The following CSMD1 variants were observed in gnomAD, a reference collection of about 807,000 sequenced individuals.
CSMD1 encodes the protein CUB and Sushi multiple domains 1.
In CSMD1, 213 loss-of-function variants were observed where a neutral mutation model predicts 417.5. The ratio of observed to expected loss-of-function variants is 0.51; its 90% CI spans 0.46 to 0.57. CSMD1 has a LOEUF of 0.57. Ranked by LOEUF, CSMD1 falls within the 20% of genes least tolerant of loss-of-function variation. The pLI is 0.00. For missense variants in CSMD1, 6,923 were observed against 4,529.7 expected (o/e 1.53, Z -15.17); for synonymous variants, 2,862 against 1,736.8 (o/e 1.65, Z -16.11).
intron 5 of CSMD1, among the ~76,000 whole-genome samples, chr8:3,779,369 G>C (rs1211500445): frequency 1.3e-5 from 2 of 152,120 alleles, no homozygotes; most frequent in African/African-American, 4.8e-5. Context: ...AATGACCCAA[G>C]ATGAAGAAGG....
At chr8:3,909,302 T>C (rs186915666) in intron 5 of CSMD1, among the ~76,000 whole-genome samples, 3 of 152,072 alleles carry the variant, frequency 2.0e-5, no homozygotes, top group Non-Finnish European at 4.4e-5. Flanking sequence ...GTCTGTAACT[T>C]TTACTTCTCC....
intron 3 of CSMD1, among the ~76,000 whole-genome samples, chr8:4,048,561 T>C (rs1367370232): frequency 2.0e-5 from 3 of 152,188 alleles, no homozygotes; most frequent in Admixed American, 2.0e-4. Flanking sequence ...AGAGCCAGGA[T>C]TTGACCTGAG....
intron 1 of CSMD1, among the ~76,000 whole-genome samples, chr8:4,810,460 T>A (rs1585137102): frequency 6.6e-6 from 1 of 152,204 alleles, no homozygotes; most frequent in East Asian, 1.9e-4. Context: ...CTTTGCCACC[T>A]AGTACCACCC....
intron 2 of CSMD1, among the ~76,000 whole-genome samples, chr8:4,590,265 G>C (rs1229408007): frequency 6.6e-6 from 1 of 152,018 alleles, no homozygotes; most frequent in African/African-American, 2.4e-5. Flanking sequence ...TGGAGAGATG[G>C]TGACCATGGG....
At chr8:4,132,443 G>A (rs1451879382) in intron 3 of CSMD1, among the ~76,000 whole-genome samples, 1 of 152,032 alleles carries the variant, frequency 6.6e-6, no homozygotes, top group Non-Finnish European at 1.5e-5. Flanking sequence ...TTATTTAAAG[G>A]AACAAAATTC....
At chr8:3,362,443 C>G (rs1459646649) in intron 20 of CSMD1, among the ~76,000 whole-genome samples, 1 of 152,166 alleles carries the variant, frequency 6.6e-6, no homozygotes, top group Non-Finnish European at 1.5e-5. Flanking sequence ...GTTGAATGCT[C>G]TCTTTTTTCT....
At chr8:3,958,415 G>T (rs2627500) in intron 5 of CSMD1, among the ~76,000 whole-genome samples, 1 of 151,300 alleles carries the variant, frequency 6.6e-6, no homozygotes, top group Non-Finnish European at 1.5e-5. Context: ...AAAATGGTGA[G>T]TTCATGGAAG....
intron 1 of CSMD1, among the ~76,000 whole-genome samples, chr8:4,895,342 G>C (rs149062248): frequency 2.0e-5 from 3 of 152,162 alleles, no homozygotes; most frequent in East Asian, 1.9e-4. Flanking sequence ...TCAGTTTCTG[G>C]AGTAATGTAA....
chr8:3,741,240 A>C (rs1049760951), intron 6 of CSMD1, among the ~76,000 whole-genome samples: 2 of 147,548 alleles, frequency 1.4e-5, no homozygotes, highest in Admixed American at 6.8e-5. Flanking sequence ...AAAAAAAAAA[A>C]ACATACAGAA....
chr8:4,396,326 G>A (rs1396856323), intron 3 of CSMD1, among the ~76,000 whole-genome samples: 1 of 151,218 alleles, frequency 6.6e-6, no homozygotes, highest in Non-Finnish European at 1.5e-5. Context: ...AAATAGCCAG[G>A]CATGGTAGCA....
intron 4 of CSMD1, among the ~76,000 whole-genome samples, chr8:4,006,864 G>A (rs1477970432): frequency 9.2e-6 from 1 of 108,746 alleles, no homozygotes; most frequent in Non-Finnish European, 1.7e-5. Flanking sequence ...GACTCACTCT[G>A]TTGCCCAGGC....
At chr8:4,146,822 G>A (rs949436795) in intron 3 of CSMD1, among the ~76,000 whole-genome samples, 12 of 149,546 alleles carry the variant, frequency 8.0e-5, no homozygotes, top group Middle Eastern at 3.2e-3. Flanking sequence ...GTGTTAGGCA[G>A]GATAGTCTCG....
intron 12 of CSMD1, among the ~76,000 whole-genome samples, chr8:3,440,442 C>A (rs1292658507): frequency 6.6e-6 from 1 of 152,226 alleles, no homozygotes; most frequent in South Asian, 2.1e-4. Context: ...TGGGTGTTCA[C>A]GTGTTCATAT....
At chr8:4,297,717 G>A (rs947674643) in intron 3 of CSMD1, among the ~76,000 whole-genome samples, 2 of 152,078 alleles carry the variant, frequency 1.3e-5, no homozygotes, top group African/African-American at 4.8e-5. Context: ...GATCGCCTCT[G>A]TGTTGGAAGA....
chr8:4,445,241 C>G (rs932165928), intron 2 of CSMD1, among the ~76,000 whole-genome samples: 1 of 152,044 alleles, frequency 6.6e-6, no homozygotes, highest in East Asian at 1.9e-4. Context: ...TTATTTTTCT[C>G]TTGTTCTCTT....
chr8:4,911,642 T>C (rs1409900598), intron 1 of CSMD1, among the ~76,000 whole-genome samples: 1 of 152,312 alleles, frequency 6.6e-6, no homozygotes, highest in East Asian at 1.9e-4. Flanking sequence ...TTCATATAAT[T>C]TACACACTAA....
chr8:3,465,773 T>G (rs754833421), intron 12 of CSMD1, among the ~76,000 whole-genome samples: 19 of 152,148 alleles, frequency 1.2e-4, no homozygotes, highest in Admixed American at 9.8e-4. Flanking sequence ...TCTCAGAAAT[T>G]CAAGTCGATG....
chr8:3,591,815 AGTGG>A lies in CSMD1; in HGVS notation c.1098-5559_1098-5556del, dbSNP rs745645194. Among the ~76,000 whole-genome samples the A allele has an allele frequency of 4.6e-5, 7 of 151,998 alleles. No individual in the cohort carries two copies. The South Asian group carries it at 1.3e-3, about 27-fold the overall frequency. ...TGGAAAGATGGAAAGATGGATAGAC[AGTGG>A]ATGGATAGATGATAGGTACATAGAT... On this transcript the variant is annotated intron_variant, in intron 8 of 69. Transcript: ENST00000635120.
intron 1 of CSMD1, among the ~76,000 whole-genome samples, chr8:4,805,673 A>G (rs1379860904): frequency 3.9e-5 from 6 of 152,226 alleles, no homozygotes; most frequent in African/African-American, 1.4e-4. Context: ...ATTTTAAAAT[A>G]AAATACTTTG....
Sources: allele counts gnomAD v4.1 joint callset (sites outside exome capture counted in the v4.1 genomes callset), GRCh38; gene constraint gnomAD v4.1.1; transcripts MANE v1.5; gene names NCBI Gene and HGNC (gene_info 2026-07-23, HGNC 2026-07-21).